The following DMD variants were observed in gnomAD, a reference collection of about 807,000 sequenced individuals.
DMD encodes dystrophin, also known as mutant dystrophin.
In DMD, 63 loss-of-function variants were observed where a neutral mutation model predicts 330.1. That is an observed-to-expected ratio of 0.19 (90% CI 0.16 to 0.24). DMD has a LOEUF of 0.24. Ranked by LOEUF, DMD falls within the 10% of genes least tolerant of loss-of-function variation. DMD has a pLI of 1.00. For missense variants in DMD, 3,344 were observed against 2,684.1 expected (o/e 1.25, Z -5.43); for synonymous variants, 1,223 against 959.8 (o/e 1.27, Z -5.07).
chrX:31,983,126 T>G (rs147006845), intron 44 of DMD, among the ~76,000 whole-genome samples: 3,882 of 110,019 alleles, frequency 0.035, 75 homozygotes, highest in Non-Finnish European at 0.055. Context: ...AGATTACTAC[T>G]GAAATCAGGA....
At chrX:31,253,215 G>A (rs1384465366) in intron 63 of DMD, among the ~76,000 whole-genome samples, 2 of 111,755 alleles carry the variant, frequency 1.8e-5, no homozygotes, top group Non-Finnish European at 1.9e-5. Context: ...ACTTGCCCGA[G>A]GTCACACCAA....
At chrX:31,912,279 C>T (rs2094557562) in intron 47 of DMD, among the ~76,000 whole-genome samples, 1 of 111,159 alleles carries the variant, frequency 9.0e-6, no homozygotes, top group African/African-American at 3.3e-5. Flanking sequence ...ACAGAAAGGG[C>T]CCAATTCTTC....
At position 31,188,054 on chromosome X, in the gene DMD, G is replaced by T. The variant is rs181410337; in HGVS notation, c.9808-5150C>A. On this transcript the variant is annotated intron_variant, in intron 67 of 78. Transcript: ENST00000357033. ...TTCAAAAAACTATAGATTCTTCTAT[G>T]CTTAAAGGTTGAACATTCTCAAATT... Among the ~76,000 whole-genome samples the T allele has an allele frequency of 5.2e-3, 580 of 112,158 alleles. 4 individuals carry two copies. The highest frequency in any genetic ancestry group is 0.018 in the African/African-American group (550 of 30,891).
At chrX:31,594,525 T>C (rs1370391998) in intron 55 of DMD, among the ~76,000 whole-genome samples, 1 of 111,576 alleles carries the variant, frequency 9.0e-6, no homozygotes, top group Non-Finnish European at 1.9e-5. Context: ...TAATACAGTA[T>C]ACTAAAAACC....
At chrX:32,964,242 C>A (rs376083416) in intron 2 of DMD, among the ~76,000 whole-genome samples, 72 of 55,698 alleles carry the variant, frequency 1.3e-3, no homozygotes, top group African/African-American at 6.0e-3. Context: ...GGTGACAGAG[C>A]AAGACTCCAT....
intron 60 of DMD, among the ~76,000 whole-genome samples, chrX:31,373,492 A>G (rs2059714113): frequency 9.7e-6 from 1 of 103,557 alleles, no homozygotes; most frequent in Non-Finnish European, 2.0e-5. Context: ...ATGGAACAGA[A>G]CAGAGCCCTC....
At chrX:33,008,793 C>CATATATATACACATATATGT (rs2093452504) in intron 2 of DMD, among the ~76,000 whole-genome samples, 1 of 58,150 alleles carries the variant, frequency 1.7e-5, no homozygotes, top group African/African-American at 7.2e-5. Context: ...ACTATATATA[C>CATATATATACACATATATGT]GTATATATAC....
intron 63 of DMD, among the ~76,000 whole-genome samples, chrX:31,242,066 G>C (rs1457117117): frequency 1.8e-5 from 2 of 108,749 alleles, no homozygotes; most frequent in Admixed American, 9.9e-5. Context: ...GAACAGCCTG[G>C]ATAACATGGC....
At chrX:33,097,607 C>CTTTTT (rs5902054) in intron 1 of DMD, among the ~76,000 whole-genome samples, 24 of 59,626 alleles carry the variant, frequency 4.0e-4, no homozygotes, top group African/African-American at 4.2e-4. Flanking sequence ...ACATGAGACT[C>CTTTTT]TTTTTTTTTT....
At chrX:31,762,928 T>C (rs1318714659) in intron 51 of DMD, among the ~76,000 whole-genome samples, 1 of 112,683 alleles carries the variant, frequency 8.9e-6, no homozygotes, top group Non-Finnish European at 1.9e-5. Context: ...ATGAATCATA[T>C]TGCATTTAAC....
At chrX:32,099,498 T>C (rs1247089912) in intron 44 of DMD, among the ~76,000 whole-genome samples, 1 of 109,544 alleles carries the variant, frequency 9.1e-6, no homozygotes, top group Admixed American at 9.8e-5. Flanking sequence ...AACCCAAATG[T>C]CCAACAATGA....
chrX:32,001,472 T>A (rs925744043), intron 44 of DMD, among the ~76,000 whole-genome samples: 7 of 109,904 alleles, frequency 6.4e-5, no homozygotes, highest in African/African-American at 2.3e-4. Flanking sequence ...TAAAATTGTC[T>A]TGGGTTAACA....
At chrX:33,096,744 G>A (rs917318316) in intron 1 of DMD, among the ~76,000 whole-genome samples, 8 of 111,859 alleles carry the variant, frequency 7.2e-5, no homozygotes, top group African/African-American at 2.3e-4. Context: ...GGCCTCAAGC[G>A]ATTTACTCGC....
chrX:31,814,035 G>A (rs2092539200), intron 50 of DMD, among the ~76,000 whole-genome samples: 1 of 110,882 alleles, frequency 9.0e-6, no homozygotes, highest in Non-Finnish European at 1.9e-5. Flanking sequence ...TGCAGAAACA[G>A]TCTGTTGATC....
At chrX:32,462,726 A>G (rs1165323616) in intron 25 of DMD, among the ~76,000 whole-genome samples, 1 of 111,077 alleles carries the variant, frequency 9.0e-6, no homozygotes, top group East Asian at 2.8e-4. Flanking sequence ...GAGGCCAAGG[A>G]AAGAGCATTG....
At chrX:32,465,319 G>C (rs906274479) in intron 23 of DMD, among the ~76,000 whole-genome samples, 3 of 110,577 alleles carry the variant, frequency 2.7e-5, no homozygotes, top group Admixed American at 9.6e-5. Flanking sequence ...CTTTTTTTCT[G>C]CTGTTTTGCC....
intron 1 of DMD, among the ~76,000 whole-genome samples, chrX:33,242,468 A>G (rs1186270203): frequency 3.6e-5 from 4 of 111,741 alleles, no homozygotes; most frequent in Non-Finnish European, 5.6e-5. Context: ...CAGTTATACC[A>G]CAGTTTCTCT....
chrX:31,293,218 T>TGTGTGGTCTGGTTTA (rs1569519897), intron 62 of DMD, among the ~76,000 whole-genome samples: 5 of 95,879 alleles, frequency 5.2e-5, no homozygotes, highest in African/African-American at 2.2e-4. Flanking sequence ...TGTGTGTGTG[T>TGTGTGGTCTGGTTTA]GTGTGTGTGT....
chrX:32,466,546 A>C (rs955993027), intron 23 of DMD, among the ~76,000 whole-genome samples: 6 of 111,428 alleles, frequency 5.4e-5, no homozygotes, highest in Middle Eastern at 4.7e-3. Flanking sequence ...TACATTAAGG[A>C]TTCTGAGATG....
Sources: allele counts gnomAD v4.1 joint callset (sites outside exome capture counted in the v4.1 genomes callset), GRCh38; gene constraint gnomAD v4.1.1; transcripts MANE v1.5; gene names NCBI Gene and HGNC (gene_info 2026-07-23, HGNC 2026-07-21).